Variants in SPMIP3 observed in about 807,000 individuals in gnomAD.
SPMIP3 encodes the protein protein SPMIP3.
the SPMIP3 span, among the ~76,000 whole-genome samples, chr1:244,367,448 C>G: frequency 2.6e-5 from 4 of 152,090 alleles, no homozygotes; most frequent in African/African-American, 4.8e-5. Context: ...GAGATCCAGC[C>G]TGGAGGGGGA....
At chr1:244,387,973 G>A in the SPMIP3 span, among the ~76,000 whole-genome samples, 2 of 151,482 alleles carry the variant, frequency 1.3e-5, no homozygotes, top group East Asian at 3.9e-4. Flanking sequence ...TGTTGCCCAG[G>A]CTGGAGTGCA....
the SPMIP3 span, among the ~76,000 whole-genome samples, chr1:244,355,480 C>A: frequency 1.2e-4 from 18 of 150,382 alleles, no homozygotes; most frequent in Admixed American, 9.3e-4. Flanking sequence ...CTCTGCCTCC[C>A]GGGTTCAAGC....
the SPMIP3 span, among the ~76,000 whole-genome samples, chr1:244,371,776 T>C: frequency 9.8e-5 from 15 of 152,320 alleles, no homozygotes; most frequent in South Asian, 1.2e-3. Context: ...TATTCCAAGG[T>C]GGTGCTTCAG....
At chr1:244,372,853 T>A in the SPMIP3 span, among the ~76,000 whole-genome samples, 1 of 152,186 alleles carries the variant, frequency 6.6e-6, no homozygotes. Flanking sequence ...ATGATGGCCA[T>A]TTATTGTGTT....
chr1:244,387,027 G>A, the SPMIP3 span, among the ~76,000 whole-genome samples: 3 of 152,278 alleles, frequency 2.0e-5, no homozygotes, highest in East Asian at 5.8e-4. Context: ...AATGCAGCCG[G>A]GCGCAGTGGC....
At chr1:244,372,478 C>G in the SPMIP3 span, among the ~76,000 whole-genome samples, 1 of 148,180 alleles carries the variant, frequency 6.7e-6, no homozygotes, top group Non-Finnish European at 1.5e-5. Flanking sequence ...GAGTCTCACT[C>G]TGTCCCCCAG....
At chr1:244,377,273 C>T in the SPMIP3 span, among the ~76,000 whole-genome samples, 1 of 152,102 alleles carries the variant, frequency 6.6e-6, no homozygotes, top group East Asian at 1.9e-4. Context: ...AGGCACCCGC[C>T]ACCATGCCCG....
the SPMIP3 span, among the ~76,000 whole-genome samples, chr1:244,374,149 T>A: frequency 6.6e-6 from 1 of 152,068 alleles, no homozygotes; most frequent in East Asian, 1.9e-4. Flanking sequence ...TAAAATGAGA[T>A]GTATTTTAAA....
chr1:244,369,863 C>T, the SPMIP3 span, among the ~76,000 whole-genome samples: 3 of 152,142 alleles, frequency 2.0e-5, no homozygotes, highest in East Asian at 1.9e-4. Flanking sequence ...AGCCGGGTCA[C>T]GTTCAGTTGC....
chr1:244,378,751 T>TG, the SPMIP3 span: 2 of 1,173,410 alleles, frequency 1.7e-6, no homozygotes, highest in Non-Finnish European at 2.4e-6. Flanking sequence ...CCAGTCGAGT[T>TG]GGAGGCATGG....
the SPMIP3 span, among the ~76,000 whole-genome samples, chr1:244,360,655 G>A: frequency 1.3e-5 from 2 of 152,042 alleles, no homozygotes; most frequent in African/African-American, 2.4e-5. Context: ...AGGCTGAGGC[G>A]GGAGGATCAC....
At chr1:244,365,845 C>T in the SPMIP3 span, among the ~76,000 whole-genome samples, 1 of 152,154 alleles carries the variant, frequency 6.6e-6, no homozygotes, top group Non-Finnish European at 1.5e-5. Flanking sequence ...GACCATTTTA[C>T]TCTGCTTGTG....
the SPMIP3 span, among the ~76,000 whole-genome samples, chr1:244,367,486 A>G: frequency 1.8e-3 from 279 of 152,238 alleles, 2 homozygotes; most frequent in African/African-American, 6.3e-3. Flanking sequence ...TTGGACCCAC[A>G]GGTCAGGAGA....
At chr1:244,387,312 A>G in the SPMIP3 span, among the ~76,000 whole-genome samples, 1 of 152,078 alleles carries the variant, frequency 6.6e-6, no homozygotes, top group African/African-American at 2.4e-5. Flanking sequence ...AAAAAAAAAA[A>G]GTTTTGTTAC....
At chr1:244,378,579 G>A in the SPMIP3 span, 25 of 1,614,004 alleles carry the variant, frequency 1.5e-5, no homozygotes, top group African/African-American at 2.1e-4. Flanking sequence ...AAAGCCTGCC[G>A]AGCCATGGTA....
chr1:244,360,815 C>A, the SPMIP3 span, among the ~76,000 whole-genome samples: 1 of 149,520 alleles, frequency 6.7e-6, no homozygotes, highest in South Asian at 2.1e-4. Flanking sequence ...CCCTGGGAGG[C>A]GGAGATTGCA....
the SPMIP3 span, chr1:244,375,547 A>ACACTACT: frequency 9.4e-7 from 1 of 1,060,664 alleles, no homozygotes; most frequent in South Asian, 1.3e-5. Flanking sequence ...GGGGGAAGAT[A>ACACTACT]CACTACTCCT....
chr1:244,359,810 T>TA, the SPMIP3 span, among the ~76,000 whole-genome samples: 3 of 150,930 alleles, frequency 2.0e-5, no homozygotes, highest in Non-Finnish European at 3.0e-5. Context: ...AACAGGTGTA[T>TA]AAAAAAAAAG....
chr1:244,378,349 C>T, the SPMIP3 span: 1 of 1,019,180 alleles, frequency 9.8e-7, no homozygotes, highest in African/African-American at 1.6e-5. Context: ...CTGTGGGAGT[C>T]TTGTCAATAC....
Sources: gnomAD v4.1 joint callset for allele counts (sites outside exome capture counted in the v4.1 genomes callset) on GRCh38, gnomAD v4.1.1 for gene constraint, MANE v1.5 for transcripts, NCBI Gene and HGNC (gene_info 2026-07-23, HGNC 2026-07-21) for gene names.